The following IRAK1BP1 variants were observed in gnomAD, a reference collection of about 807,000 sequenced individuals.
The protein encoded by IRAK1BP1 is interleukin 1 receptor associated kinase 1 binding protein 1.
Under a neutral mutation model 28.0 loss-of-function variants are expected in IRAK1BP1, and 24 were observed. That is an observed-to-expected ratio of 0.86 (90% CI 0.62 to 1.20). IRAK1BP1 has a LOEUF of 1.20. Ranked by LOEUF, IRAK1BP1 falls within the 50% of genes most tolerant of loss-of-function variation. The probability of loss-of-function intolerance (pLI) is 0.00; values close to 1 mark genes in which losing one functional copy is unlikely to be tolerated. For missense variants in IRAK1BP1, 336 were observed against 316.7 expected (o/e 1.06, Z -0.46); for synonymous variants, 131 against 116.3 (o/e 1.13, Z -0.81).
the IRAK1BP1 span, among the ~76,000 whole-genome samples, chr6:78,972,993 C>T: frequency 4.6e-5 from 7 of 152,218 alleles, 1 homozygote; most frequent in South Asian, 4.1e-4. Context: ...TCTAGCAAGG[C>T]AGGCCAACGT....
intron 2 of IRAK1BP1, among the ~76,000 whole-genome samples, chr6:78,889,674 C>T (rs550975825): frequency 4.0e-5 from 6 of 151,806 alleles, no homozygotes; most frequent in Admixed American, 1.3e-4. Context: ...AAAAAAAGCT[C>T]ATCATCACCG....
intron 4 of IRAK1BP1, among the ~76,000 whole-genome samples, chr6:78,930,880 G>A (rs764807964): frequency 1.5e-4 from 23 of 151,914 alleles, no homozygotes; most frequent in Non-Finnish European, 7.4e-5. Context: ...GCAGTGAGCC[G>A]AGATCGCACC....
At chr6:78,979,324 T>C in the IRAK1BP1 span, among the ~76,000 whole-genome samples, 8 of 152,182 alleles carry the variant, frequency 5.3e-5, no homozygotes, top group African/African-American at 1.9e-4. Flanking sequence ...GGTAACAAGA[T>C]ATCCCCACAA....
intron 4 of IRAK1BP1, chr6:78,940,593 C>T: frequency 5.5e-6 from 1 of 180,856 alleles, no homozygotes; most frequent in Non-Finnish European, 1.1e-5. Context: ...CATAACATTC[C>T]CTACTCCACC....
At chr6:78,917,035 C>T (rs1371522119) in intron 4 of IRAK1BP1, among the ~76,000 whole-genome samples, 2 of 151,916 alleles carry the variant, frequency 1.3e-5, no homozygotes, top group Admixed American at 1.3e-4. Context: ...AGTGATACCA[C>T]CAAAGGATCA....
chr6:78,888,027 A>AC (rs1771494636), intron 2 of IRAK1BP1, among the ~76,000 whole-genome samples: 1 of 151,778 alleles, frequency 6.6e-6, no homozygotes, highest in South Asian at 2.1e-4. Context: ...TTAGCCTTAA[A>AC]AAAAAGGGAA....
downstream of IRAK1BP1, among the ~76,000 whole-genome samples, chr6:78,948,827 A>G (rs141780829): frequency 4.6e-5 from 7 of 152,254 alleles, no homozygotes; most frequent in African/African-American, 2.4e-5. Context: ...GTATGCGACT[A>G]TATTTTTTGA....
At chr6:78,976,510 C>A in the IRAK1BP1 span, among the ~76,000 whole-genome samples, 4 of 102,196 alleles carry the variant, frequency 3.9e-5, no homozygotes, top group Non-Finnish European at 6.2e-5. Context: ...GCAACCAAAG[C>A]CAAAATTGAC....
chr6:78,867,651 CA>C lies in IRAK1BP1; in HGVS notation c.77del (p.Asn26ThrfsTer30). 1 of 1,614,242 alleles carries C rather than the reference CA, an allele frequency of 6.2e-7. No homozygotes were observed. The highest frequency in any genetic ancestry group is 8.5e-7 in the Non-Finnish European group (1 of 1,180,042). ...CCTGGGCTGACCGGAGCCGGGAGAA[CA>C]ACCTGGCCTCAGGGAGAGAGACGCT... is the stretch of plus-strand genomic sequence containing the variant. ...VPWADRSREN[N>X]LASGRETLPG... is the part of the protein sequence containing the mutation. On this transcript the variant is annotated frameshift_variant, in exon 1 of 4. Transcript: ENST00000369940. LOFTEE classifies it high-confidence loss of function.
intron 1 of IRAK1BP1, among the ~76,000 whole-genome samples, chr6:78,882,159 A>T (rs1771252871): frequency 6.6e-6 from 1 of 152,130 alleles, no homozygotes; most frequent in South Asian, 2.1e-4. Context: ...TGCTTCTTGG[A>T]GAAAGGGCTT....
intron 4 of IRAK1BP1, among the ~76,000 whole-genome samples, chr6:78,915,759 C>G (rs966773191): frequency 6.6e-6 from 1 of 152,208 alleles, no homozygotes; most frequent in Non-Finnish European, 1.5e-5. Flanking sequence ...TTTCCTGGCT[C>G]CCTTCCCACT....
chr6:78,917,328 A>G (rs1420044024), intron 4 of IRAK1BP1, among the ~76,000 whole-genome samples: 1 of 152,024 alleles, frequency 6.6e-6, no homozygotes. Context: ...AAAAATTCAG[A>G]TTTCGAAGAC....
At chr6:78,891,563 G>A (rs1448439375) in intron 2 of IRAK1BP1, among the ~76,000 whole-genome samples, 1 of 151,832 alleles carries the variant, frequency 6.6e-6, no homozygotes, top group African/African-American at 2.4e-5. Flanking sequence ...CCAGGTTCAA[G>A]CGATTCTCCT....
intron 2 of IRAK1BP1, among the ~76,000 whole-genome samples, chr6:78,891,318 G>C (rs2127650128): frequency 6.6e-6 from 1 of 152,242 alleles, no homozygotes; most frequent in African/African-American, 2.4e-5. Context: ...TTTAAAAAAA[G>C]GTTCTAAGTG....
rs149521183 is a variant in IRAK1BP1, at chr6:78,942,946, A to G, written c.*68-2462A>G. ...TTAAAAAGGAATTCAGAAGTTTTTT[A>G]AAAAAGTTTAAAAACCACTGATATT... On this transcript the variant is annotated intron_variant and NMD_transcript_variant, in intron 4 of 4. Coordinates refer to the IRAK1BP1 transcript ENST00000606868. Among the ~76,000 whole-genome samples the G allele has an allele frequency of 6.2e-4, 95 of 152,346 alleles. 1 individual carries two copies. In the South Asian group the frequency reaches 7.9e-3, roughly 13 times the overall value.
At chr6:78,932,326 A>C (rs1463193247) in intron 4 of IRAK1BP1, among the ~76,000 whole-genome samples, 1 of 151,978 alleles carries the variant, frequency 6.6e-6, no homozygotes, top group Non-Finnish European at 1.5e-5. Flanking sequence ...AGAATGGTGA[A>C]TTCTTTCCAG....
At chr6:78,914,886 T>C (rs889422042) in intron 4 of IRAK1BP1, among the ~76,000 whole-genome samples, 6 of 152,216 alleles carry the variant, frequency 3.9e-5, no homozygotes, top group Non-Finnish European at 7.3e-5. Flanking sequence ...AGTGGTGTGA[T>C]CTCAGCTCAC....
At chr6:78,946,013 G>A (rs1773791695) in exon 5 of IRAK1BP1, 1 of 1,605,518 alleles carries the variant, frequency 6.2e-7, no homozygotes, top group South Asian at 1.1e-5. Flanking sequence ...GTTTTCCCTG[G>A]TATTGCAGAT....
chr6:78,883,254 C>T (rs539503792), intron 1 of IRAK1BP1, among the ~76,000 whole-genome samples: 6 of 152,062 alleles, frequency 3.9e-5, no homozygotes, highest in Non-Finnish European at 8.8e-5. Flanking sequence ...AAGCAAGACC[C>T]TGTCAATCAG....
Sources: allele counts gnomAD v4.1 joint callset (sites outside exome capture counted in the v4.1 genomes callset), GRCh38; gene constraint gnomAD v4.1.1; transcripts MANE v1.5; gene names NCBI Gene and HGNC (gene_info 2026-07-23, HGNC 2026-07-21).